Variants in MYRIP observed in about 807,000 individuals in gnomAD.
MYRIP encodes the protein myosin VIIA and Rab interacting protein.
Under a neutral mutation model 98.0 loss-of-function variants are expected in MYRIP, and 49 were observed. The ratio of observed to expected loss-of-function variants is 0.50; its 90% CI spans 0.40 to 0.63. The LOEUF (loss-of-function observed/expected upper bound fraction) is 0.63, where lower values mean the gene tolerates loss of function less well. Ranked by LOEUF, MYRIP falls within the 30% of genes least tolerant of loss-of-function variation. MYRIP has a pLI of 0.00. For synonymous variants in MYRIP, 404 were observed against 409.5 expected (o/e 0.99, Z 0.16); for missense variants, 1,004 against 1,058.2 (o/e 0.95, Z 0.71).
intron 2 of MYRIP, among the ~76,000 whole-genome samples, chr3:39,950,369 C>T (rs1944982674): frequency 6.6e-6 from 1 of 152,120 alleles, no homozygotes. Flanking sequence ...CATTCTATTC[C>T]TTTTGAAGTT....
intron 3 of MYRIP, among the ~76,000 whole-genome samples, chr3:40,055,548 C>A (rs1271092945): frequency 6.6e-6 from 1 of 152,148 alleles, no homozygotes; most frequent in Non-Finnish European, 1.5e-5. Context: ...ATAAAAAGCA[C>A]CTGTGACTCA....
chr3:40,117,339 C>G (rs554513566), intron 3 of MYRIP, among the ~76,000 whole-genome samples: 5 of 152,156 alleles, frequency 3.3e-5, no homozygotes, highest in Non-Finnish European at 7.3e-5. Flanking sequence ...CATATGATAG[C>G]TACTGTGTTT....
intron 4 of MYRIP, among the ~76,000 whole-genome samples, chr3:40,159,133 C>T (rs994487605): frequency 1.2e-4 from 19 of 152,006 alleles, no homozygotes; most frequent in Admixed American, 1.1e-3. Flanking sequence ...TGGCTGGTAT[C>T]GGTTGTTCCT....
intron 12 of MYRIP, among the ~76,000 whole-genome samples, chr3:40,238,895 TTTTTTA>T (rs1289624111): frequency 1.2e-4 from 19 of 152,148 alleles, no homozygotes; most frequent in South Asian, 4.1e-4. Context: ...GCATGGGTAT[TTTTTTA>T]TTTTTATTTT....
chr3:39,884,806 A>T (rs373646843), intron 1 of MYRIP, among the ~76,000 whole-genome samples: 30 of 137,290 alleles, frequency 2.2e-4, no homozygotes, highest in East Asian at 6.3e-4. Context: ...TACAGTCATT[A>T]TTATTTTTTT....
At chr3:40,006,966 C>T (rs1946648997) in intron 2 of MYRIP, among the ~76,000 whole-genome samples, 1 of 152,130 alleles carries the variant, frequency 6.6e-6, no homozygotes, top group Non-Finnish European at 1.5e-5. Flanking sequence ...TCGGGCAATC[C>T]TCCCACCTCA....
chr3:40,205,808 T>G (rs927722072), intron 10 of MYRIP, among the ~76,000 whole-genome samples: 5 of 152,042 alleles, frequency 3.3e-5, no homozygotes, highest in African/African-American at 9.7e-5. Flanking sequence ...AGAGCATTTT[T>G]TTTTTGGCTG....
At chr3:39,956,685 G>A (rs913318434) in intron 2 of MYRIP, among the ~76,000 whole-genome samples, 1 of 148,988 alleles carries the variant, frequency 6.7e-6, no homozygotes, top group Non-Finnish European at 1.5e-5. Context: ...GATCAGAGCA[G>A]AACTGAAGGA....
At chr3:40,247,409 A>T (rs1953240021) in intron 13 of MYRIP, among the ~76,000 whole-genome samples, 1 of 152,172 alleles carries the variant, frequency 6.6e-6, no homozygotes, top group South Asian at 2.1e-4. Context: ...GCAACCCCAT[A>T]AGTGAGCTAC....
intron 2 of MYRIP, among the ~76,000 whole-genome samples, chr3:39,984,198 T>TTTTATTTTATTTTAC (rs1193357075): frequency 7.6e-6 from 1 of 131,304 alleles, no homozygotes; most frequent in Non-Finnish European, 1.6e-5. Flanking sequence ...GGAAAGTTTA[T>TTTTATTTTATTTTAC]TTTATTTTAT....
rs368684098 is a variant in MYRIP at position 39,940,777 on chromosome 3, AAATT to A, written c.110+39856_110+39859del. ...CAAATAAGCATAATTTTGTTTATTG[AAATT>A]AATTTCTTTAAAAATGCTTTCTGGT... On this transcript the variant is annotated intron_variant, in intron 2 of 16. Coordinates refer to ENST00000302541, the MANE Select transcript of MYRIP (RefSeq NM_015460.4). 7.7e-4 allele frequency among the ~76,000 whole-genome samples: 117 copies of A among 152,318 alleles called. 5 individuals are homozygous for A. The East Asian group carries it at 0.017, about 22-fold the overall frequency.
At chr3:39,815,942 A>G (rs1940890458) in intron 1 of MYRIP, among the ~76,000 whole-genome samples, 1 of 140,858 alleles carries the variant, frequency 7.1e-6, no homozygotes, top group African/African-American at 2.6e-5. Flanking sequence ...TCTTTTTTAT[A>G]TCCTCTTTAA....
At chr3:40,177,030 G>A (rs537716324) in intron 8 of MYRIP, among the ~76,000 whole-genome samples, 142 of 150,836 alleles carry the variant, frequency 9.4e-4, no homozygotes, top group Non-Finnish European at 1.6e-3. Flanking sequence ...AGCTATGATT[G>A]CACCACTGCA....
At chr3:40,233,738 TTGTG>T in intron 11 of MYRIP, 117 bp from the exon 12 acceptor site, 1 of 906,094 alleles carries the variant, frequency 1.1e-6, no homozygotes, top group Non-Finnish European at 1.7e-6. Context: ...ACATTGGTGT[TTGTG>T]TGTGGAATTA....
chr3:40,027,019 G>A (rs952708062), intron 2 of MYRIP, among the ~76,000 whole-genome samples: 2 of 152,020 alleles, frequency 1.3e-5, no homozygotes, highest in African/African-American at 4.8e-5. Flanking sequence ...TGACTTCCAA[G>A]CTCACTTAGC....
intron 1 of MYRIP, among the ~76,000 whole-genome samples, chr3:39,831,626 A>C (rs748172270): frequency 5.8e-4 from 88 of 152,216 alleles, no homozygotes; most frequent in Non-Finnish European, 1.1e-3. Flanking sequence ...AAATTTTTAT[A>C]AGAATTACTT....
At chr3:39,948,269 A>C (rs1944942019) in intron 2 of MYRIP, among the ~76,000 whole-genome samples, 1 of 152,138 alleles carries the variant, frequency 6.6e-6, no homozygotes, top group Non-Finnish European at 1.5e-5. Context: ...TCATCCTGGG[A>C]CTCAAAAAAT....
chr3:40,022,987 G>C (rs562714414), intron 2 of MYRIP, among the ~76,000 whole-genome samples: 1 of 152,126 alleles, frequency 6.6e-6, no homozygotes, highest in Non-Finnish European at 1.5e-5. Flanking sequence ...GAAAATGTGA[G>C]ACTGAAGACA....
chr3:40,101,159 A>C (rs959893404), intron 3 of MYRIP, among the ~76,000 whole-genome samples: 3 of 152,086 alleles, frequency 2.0e-5, no homozygotes, highest in African/African-American at 7.2e-5. Flanking sequence ...TGTTTTCAAC[A>C]CCTCCAACAC....
Sources: allele counts gnomAD v4.1 joint callset (sites outside exome capture counted in the v4.1 genomes callset), GRCh38; gene constraint gnomAD v4.1.1; transcripts MANE v1.5; gene names NCBI Gene and HGNC (gene_info 2026-07-23, HGNC 2026-07-21).